ADAMTS15: variants seen among roughly 807,000 people sequenced by gnomAD.
ADAMTS15 encodes the protein ADAM metallopeptidase with thrombospondin type 1 motif 15.
A neutral mutation model predicts 79.1 loss-of-function variants in ADAMTS15; 35 were observed. The ratio of observed to expected loss-of-function variants is 0.44; its 90% CI spans 0.34 to 0.59. ADAMTS15 has a LOEUF of 0.59. ADAMTS15 is among the 20% of genes least tolerant of loss of function. The probability of loss-of-function intolerance (pLI) is 0.02; values close to 1 mark genes in which losing one functional copy is unlikely to be tolerated. For missense variants in ADAMTS15, 1,324 were observed against 1,318.7 expected (o/e 1.00, Z -0.06); for synonymous variants, 616 against 567.3 (o/e 1.09, Z -1.22).
At position 130,473,128 on chromosome 11, in the gene ADAMTS15, C is replaced by T. The variant is rs61746092; in HGVS notation, c.2160C>T (p.Ile720=). 7.2e-3 allele frequency: 11,629 copies of T among 1,614,080 alleles called. 76 individuals are homozygous for T. Among genetic ancestry groups the T allele is most frequent in the Middle Eastern group, 0.03 (179 of 6,062 alleles). Residue 720 remains isoleucine, a synonymous_variant, in exon 8 of 8, where the codon ATC becomes ATT. Transcript: ENST00000299164. ...GCCAGCGCGGTTACAAAGGGCTGATCGGGGATGACAACTACCTGGCTCTGA... is the reference window on the plus strand; with the variant it reads ...GCCAGCGCGGTTACAAAGGGCTGATTGGGGATGACAACTACCTGGCTCTGA... ...DIRQRGYKGL[I]GDDNYLALKN...
In ADAMTS15 at chr11:130,476,351, A is replaced by G. The variant is rs1938586608; in HGVS notation, c.*2530A>G. On this transcript the variant is annotated 3_prime_UTR_variant, in exon 8 of 8. Coordinates refer to ENST00000299164, the MANE Select transcript of ADAMTS15 (RefSeq NM_139055.4). ...CACTGATTGGAGGAGTCTGGCCCAA[A>G]CACTCTCATATGAACCTCGACATGC... is the stretch of plus-strand genomic sequence containing the variant. 1 of 150,412 alleles carries G rather than the reference A, an allele frequency of 6.6e-6. No homozygotes were observed. 9.3% of individuals were successfully genotyped at this position (150,412 alleles called of 1,614,324 possible).
At chr11:130,461,389 T>G in intron 1 of ADAMTS15, 100 bp from the exon 2 acceptor site, 968 of 1,527,856 alleles carry the variant, frequency 6.3e-4, no homozygotes, top group Non-Finnish European at 7.7e-4. Context: ...TGGAATGAGA[T>G]GAGCTGGAAT....
At chr11:130,450,314 A>G (rs771647234) in intron 1 of ADAMTS15, 199 of 985,294 alleles carry the variant, frequency 2.0e-4, no homozygotes, top group Non-Finnish European at 2.3e-4. Flanking sequence ...GCCCACCCCT[A>G]TTGTATGGGC....
chr11:130,460,736 C>G (rs1032922069), intron 1 of ADAMTS15, among the ~76,000 whole-genome samples: 1 of 152,212 alleles, frequency 6.6e-6, no homozygotes, highest in Non-Finnish European at 1.5e-5. Flanking sequence ...TTTCTGCGTC[C>G]CCTGGGAATA....
rs1938518004 is a variant in ADAMTS15, at chr11:130,473,769, A to G, written c.2801A>G (p.Asn934Ser). The G allele has an allele frequency of 6.3e-7, 1 of 1,599,102 alleles. No homozygotes were observed. Among genetic ancestry groups the G allele is most frequent in the Non-Finnish European group, 8.5e-7 (1 of 1,179,796 alleles). Residue 934 changes from asparagine to serine, a missense_variant, in exon 8 of 8, where the codon AAC (asparagine) becomes AGC (serine). Coordinates refer to ENST00000299164, the MANE Select transcript of ADAMTS15 (RefSeq NM_139055.4). ...CGGCTGCTGGCCCGGGACCAGTGCA[A>G]CTTGCACCGCAAGCCCCAGGAGCTG... ...GGRLLARDQC[N>S]LHRKPQELDF...
intron 1 of ADAMTS15, among the ~76,000 whole-genome samples, chr11:130,459,354 C>A (rs570491614): frequency 3.9e-5 from 6 of 152,226 alleles, no homozygotes; most frequent in Non-Finnish European, 8.8e-5. Context: ...TTTGTAGAGA[C>A]AGGGTCTCAC....
At chr11:130,450,868 G>C (rs1429933483) in intron 1 of ADAMTS15, among the ~76,000 whole-genome samples, 1 of 152,194 alleles carries the variant, frequency 6.6e-6, no homozygotes, top group Non-Finnish European at 1.5e-5. Context: ...GAAGTGGTGT[G>C]AGCTTAGTCA....
rs1035280202 is a variant in ADAMTS15 at position 130,462,802 on chromosome 11, G to A, written c.1542+22G>A. 3.8e-6 allele frequency: 6 copies of A among 1,562,596 alleles called. No individual in the cohort carries two copies. The highest frequency in any genetic ancestry group is 5.2e-6 in the Non-Finnish European group (6 of 1,147,484). ...CAGGGTGAGTGAGTGCTGGAGCTGC[G>A]CTCGGGGACTGCTGGGAGGAGGGAT... On this transcript the variant is annotated intron_variant, in intron 4 of 7. Coordinates refer to ENST00000299164, the MANE Select transcript of ADAMTS15 (RefSeq NM_139055.4). The surrounding 1 kb of genome is among the most constrained non-coding windows in gnomAD (Gnocchi z 4.3).
At chr11:130,468,783 A>AT (rs1938359462) in intron 4 of ADAMTS15, among the ~76,000 whole-genome samples, 1 of 148,166 alleles carries the variant, frequency 6.7e-6, no homozygotes, top group East Asian at 2.0e-4. Flanking sequence ...AAAAAAAAAA[A>AT]ATAATTAGCC....
At position 130,449,333 on chromosome 11, in the gene ADAMTS15, C is replaced by T. The variant is rs1390168028; in HGVS notation, c.360C>T (p.Cys120=). The change falls in exon 1 of 8, where the codon TGC becomes TGT. Residue 120 remains cysteine, a synonymous_variant. Transcript: ENST00000299164. This position sits in a 1 kb window ranked among gnomAD's most constrained non-coding sequence, Gnocchi z 7.8. The stretch of plus-strand genomic sequence containing the variant: ...ACTCGTTCGCTGCTGTGAGCCTGTG[C>T]GGGGGGCTCCGCGGAGCCTTTGGCT... ...EPDSFAAVSL[C]GGLRGAFGYR... 2.5e-6 allele frequency: 4 copies of T among 1,608,860 alleles called. No individual in the cohort carries two copies. The highest frequency in any genetic ancestry group is 2.2e-5 in the East Asian group (1 of 44,854).
At position 130,462,159 on chromosome 11, in the gene ADAMTS15, A is replaced by G; in HGVS notation, c.1163A>G (p.His388Arg). The G allele has an allele frequency of 6.2e-7, 1 of 1,614,110 alleles. No homozygotes were observed. The highest frequency in any genetic ancestry group is 8.5e-7 in the Non-Finnish European group (1 of 1,180,026). Residue 388 changes from histidine to arginine, a missense_variant, in exon 3 of 8, where the codon CAC (histidine) becomes CGC (arginine). His to Arg is a conservative substitution (Grantham distance 29). Coordinates refer to ENST00000299164, the MANE Select transcript of ADAMTS15 (RefSeq NM_139055.4). The surrounding 1 kb of genome is among the most constrained non-coding windows in gnomAD (Gnocchi z 4.3). The part of the protein sequence containing the change: ...EEVFGKLRAN[H>R]MMSPTLIQID... ...GTGTTTGGGAAGCTCCGAGCCAACCACATGATGTCCCCGACCCTCATCCAG... is the reference window on the plus strand; with the variant it reads ...GTGTTTGGGAAGCTCCGAGCCAACCGCATGATGTCCCCGACCCTCATCCAG...
intron 4 of ADAMTS15, 116 bp from the exon 5 acceptor site, chr11:130,469,146 C>T: frequency 9.9e-7 from 1 of 1,009,890 alleles, no homozygotes; most frequent in Non-Finnish European, 1.3e-6. Context: ...ACATTAATTT[C>T]ATTCCAGGAA....
chr11:130,471,125 A>G, intron 6 of ADAMTS15, 24 bp downstream of exon 6: 2 of 1,605,208 alleles, frequency 1.2e-6, no homozygotes, highest in Non-Finnish European at 1.7e-6. Context: ...GGGCCTGAGA[A>G]CAAAGTAGGG....
chr11:130,469,482 G>A, intron 5 of ADAMTS15, 43 bp downstream of exon 5: 1 of 1,289,674 alleles, frequency 7.8e-7, no homozygotes, highest in Non-Finnish European at 9.9e-7. Flanking sequence ...CAGGGGAGGT[G>A]AGGCTGGAGG....
chr11:130,463,020 C>T (rs1433023591), intron 4 of ADAMTS15, among the ~76,000 whole-genome samples: 3 of 152,356 alleles, frequency 2.0e-5, no homozygotes, highest in Admixed American at 1.3e-4. Context: ...GCCTCAGACA[C>T]ATGGGGAAAA....
At chr11:130,469,209 G>C in intron 4 of ADAMTS15, 53 bp from the exon 5 acceptor site, 1 of 1,353,302 alleles carries the variant, frequency 7.4e-7, no homozygotes, top group Non-Finnish European at 9.6e-7. Context: ...GGGCTGAGGG[G>C]CTGGGTGTGG....
chr11:130,461,464 C>G (rs768763732), intron 1 of ADAMTS15, 25 bp from the exon 2 acceptor site: 1 of 1,613,946 alleles, frequency 6.2e-7, no homozygotes, highest in Non-Finnish European at 8.5e-7. Flanking sequence ...TTCGGGCTGG[C>G]TTCTGCTTCT....
chr11:130,449,846 C>T lies in ADAMTS15; in HGVS notation c.873C>T (p.Asn291=), dbSNP rs762363069. 7.5e-6 allele frequency: 12 copies of T among 1,607,758 alleles called. No homozygotes were observed. Among genetic ancestry groups the T allele is most frequent in the South Asian group, 2.2e-5 (2 of 91,090 alleles). The change falls in exon 1 of 8, where the codon AAC becomes AAT. Residue 291 remains asparagine (N), a synonymous_variant. Transcript: ENST00000299164. The surrounding 1 kb of genome is among the most constrained non-coding windows in gnomAD (Gnocchi z 7.8). The part of the protein sequence containing the change: ...VTGNAALTLR[N]FCAWQKKLNK... ...GCAATGCGGCCCTGACGCTGCGCAA[C>T]TTCTGTGCCTGGCAGAAGAAGCTGA...
chr11:130,462,031 C>T lies in ADAMTS15; in HGVS notation c.1091-56C>T. On this transcript the variant is annotated intron_variant, in intron 2 of 7. Coordinates refer to ENST00000299164, the MANE Select transcript of ADAMTS15 (RefSeq NM_139055.4). The surrounding 1 kb of genome is among the most constrained non-coding windows in gnomAD (Gnocchi z 4.3). Reference sequence around the variant, plus strand: ...TCTAGTTCCCCTGCCCCATTCCTCCCTCCAACCCCCATGTCCTTCCTCCTG... The same window carrying T: ...TCTAGTTCCCCTGCCCCATTCCTCCTTCCAACCCCCATGTCCTTCCTCCTG... 2 of 1,532,530 alleles carry T rather than the reference C, an allele frequency of 1.3e-6. No individual in the cohort carries two copies. Among genetic ancestry groups the T allele is most frequent in the Non-Finnish European group, 1.8e-6 (2 of 1,118,980 alleles). The allele number at this position is 1,532,530 out of a possible 1,614,324, so 94.9% of individuals were successfully genotyped here.
Sources: gnomAD v4.1 joint callset for allele counts (sites outside exome capture counted in the v4.1 genomes callset) on GRCh38, gnomAD v4.1.1 for gene constraint, Gnocchi (gnomAD v3.1) non-coding constraint, MANE v1.5 for transcripts, NCBI Gene and HGNC (gene_info 2026-07-23, HGNC 2026-07-21) for gene names.